Variants in IL2RB observed in about 807,000 individuals in gnomAD.
IL2RB encodes the protein interleukin-2 receptor subunit beta.
IL2RB carries 17 observed loss-of-function variants against 44.2 expected under a neutral mutation model. That is an observed-to-expected ratio of 0.38 (90% CI 0.26 to 0.58). The LOEUF (loss-of-function observed/expected upper bound fraction) is 0.58, where lower values mean the gene tolerates loss of function less well. Among genes scored for constraint, IL2RB ranks in the 20% least tolerant of loss-of-function variants. The pLI is 0.63. For missense variants in IL2RB, 624 were observed against 685.5 expected, an observed-to-expected ratio of 0.91 and a Z score of 1.00; for synonymous variants, 286 against 297.9, an observed-to-expected ratio of 0.96 and a Z score of 0.41.
Position 37,136,307 on chromosome 22 carries a change from C to T in IL2RB, c.624G>A (p.Val208=), listed in dbSNP as rs770932926. 1.9e-5 allele frequency: 31 copies of T among 1,613,090 alleles called. 1 individual carries two copies. In the South Asian group the frequency reaches 2.9e-4, roughly 15 times the overall value. ...ACTCGCCTTGCAGAGGCTTGACCCG[C>T]ACCTGAAACTCATACTGGGTGTCTG... ...LTPDTQYEFQ[V]RVKPLQGEFT... is the part of the protein sequence containing the mutation. Residue 208 remains valine, a synonymous_variant, in exon 7 of 10, where the codon GTG becomes GTA. Transcript: ENST00000216223.
At chr22:37,162,727 C>G (rs1354948974) in intron 1 of IL2RB, among the ~76,000 whole-genome samples, 1 of 152,124 alleles carries the variant, frequency 6.6e-6, no homozygotes, top group Admixed American at 6.5e-5. Flanking sequence ...CCCCACCCCA[C>G]CCCTCTACCC....
intron 1 of IL2RB, among the ~76,000 whole-genome samples, chr22:37,156,508 A>C (rs1922685184): frequency 6.6e-6 from 1 of 152,086 alleles, no homozygotes; most frequent in Non-Finnish European, 1.5e-5. Flanking sequence ...TCTCTTCAAT[A>C]TCCTTCTCCC....
chr22:37,170,191 G>A (rs1923233442), intron 1 of IL2RB, among the ~76,000 whole-genome samples: 1 of 152,154 alleles, frequency 6.6e-6, no homozygotes, highest in African/African-American at 2.4e-5. Flanking sequence ...AGAATAATAA[G>A]ACTCTTTCAG....
At position 37,127,682 on chromosome 22, in the gene IL2RB, G is replaced by C. The variant is rs542924493; in HGVS notation, c.*414C>G. On this transcript the variant is annotated 3_prime_UTR_variant, in exon 10 of 10. Coordinates refer to ENST00000216223, the MANE Select transcript of IL2RB (RefSeq NM_000878.5). Reference sequence around the variant, plus strand: ...AGCACGCTCAGGCTGCCCTGTGGACGGGGAGGGGAGGGAAGGAGGAGGCTG... The same window carrying C: ...AGCACGCTCAGGCTGCCCTGTGGACCGGGAGGGGAGGGAAGGAGGAGGCTG... The C allele has an allele frequency of 4.2e-3, 672 of 159,596 alleles. 6 individuals are homozygous for C. The highest frequency in any genetic ancestry group is 0.015 in the African/African-American group (619 of 41,824). 9.9% of individuals were successfully genotyped at this position (159,596 alleles called of 1,614,324 possible).
chr22:37,144,133 TGAG>T lies in IL2RB; in HGVS notation c.37_39del (p.Leu13del). ...GAGGTAGCCAGGGGCAGGAGGAGGATGAGGAGGGGCAGACGCCAGGACAGAGCA... is the reference window on the plus strand; with the variant it reads ...GAGGTAGCCAGGGGCAGGAGGAGGATGAGGGGCAGACGCCAGGACAGAGCA... On this transcript the variant is annotated inframe_deletion, in exon 2 of 10. Transcript: ENST00000216223. The T allele has an allele frequency of 1.9e-6, 3 of 1,551,972 alleles. No individual in the cohort carries two copies. The highest frequency in any genetic ancestry group is 2.6e-6 in the Non-Finnish European group (3 of 1,147,146).
In IL2RB at chr22:37,128,299, A is replaced by T. The variant is rs1409018398; in HGVS notation, c.1453T>A (p.Phe485Ile). The change falls in exon 10 of 10, where the codon TTT becomes ATT. Residue 485 changes from phenylalanine to isoleucine, a missense_variant. Phe to Ile is a conservative substitution (Grantham distance 21). Coordinates refer to ENST00000216223, the MANE Select transcript of IL2RB (RefSeq NM_000878.5). The surrounding 1 kb of genome is among the most constrained non-coding windows in gnomAD (Gnocchi z 4.5). ...PTPGVPDLVD[F>I]QPPPELVLRE... The stretch of plus-strand genomic sequence containing the variant: ...AGCACCAGCTCAGGGGGTGGCTGAA[A>T]ATCCACCAGGTCTGGGACTCCTGGG... 5 of 1,497,594 alleles carry T rather than the reference A, an allele frequency of 3.3e-6. No individual in the cohort carries two copies. The African/African-American group carries it at 7.0e-5, about 21-fold the overall frequency. The allele number at this position is 1,497,594 out of a possible 1,614,324, so 92.8% of individuals were successfully genotyped here.
At chr22:37,153,698 T>C (rs1922575927), upstream of IL2RB, among the ~76,000 whole-genome samples, 2 of 152,326 alleles carry the variant, frequency 1.3e-5, no homozygotes, top group Middle Eastern at 3.4e-3. Flanking sequence ...ACGCCGGTTG[T>C]CTCAGGGAGG....
chr22:37,148,750 C>T (rs561157516), intron 1 of IL2RB, among the ~76,000 whole-genome samples: 7 of 152,044 alleles, frequency 4.6e-5, no homozygotes, highest in South Asian at 2.1e-4. Flanking sequence ...GACTAAGAAA[C>T]GGGTCAACCT....
At chr22:37,146,463 G>A (rs952449227) in intron 1 of IL2RB, among the ~76,000 whole-genome samples, 2 of 152,160 alleles carry the variant, frequency 1.3e-5, no homozygotes, top group African/African-American at 4.8e-5. Flanking sequence ...GCCTGCACAA[G>A]CCAGTGGCTC....
At chr22:37,154,959 A>G (rs229480) in intron 1 of IL2RB, among the ~76,000 whole-genome samples, 2,154 of 152,286 alleles carry the variant, frequency 0.014, 55 homozygotes, top group African/African-American at 0.047. Flanking sequence ...CTTGAAGGAC[A>G]GGCCCTCACC....
chr22:37,144,622 G>A (rs536939846), intron 1 of IL2RB, among the ~76,000 whole-genome samples: 34 of 152,284 alleles, frequency 2.2e-4, no homozygotes, highest in African/African-American at 7.9e-4. Context: ...GTGGGTGCCT[G>A]TAGTCCCAGC....
At chr22:37,171,190 C>T (rs1021523741) in intron 1 of IL2RB, among the ~76,000 whole-genome samples, 1 of 152,156 alleles carries the variant, frequency 6.6e-6, no homozygotes, top group Non-Finnish European at 1.5e-5. Flanking sequence ...ACCATGCTGG[C>T]CAGGCTGGTC....
chr22:37,151,502 T>A (rs566529102), upstream of IL2RB, among the ~76,000 whole-genome samples: 1 of 152,316 alleles, frequency 6.6e-6, no homozygotes, highest in East Asian at 1.9e-4. Context: ...TTTTCTCCCA[T>A]TCTGTGGGTT....
At chr22:37,146,359 G>T (rs925920764) in intron 1 of IL2RB, among the ~76,000 whole-genome samples, 1 of 152,122 alleles carries the variant, frequency 6.6e-6, no homozygotes, top group Non-Finnish European at 1.5e-5. Context: ...GGCTTTCTGG[G>T]ACCGGAATGA....
chr22:37,151,856 A>C (rs1922501071), upstream of IL2RB, among the ~76,000 whole-genome samples: 1 of 152,204 alleles, frequency 6.6e-6, no homozygotes, highest in Admixed American at 6.5e-5. Context: ...AATTTTGTTG[A>C]AAATAAGTTC....
At chr22:37,148,403 C>T (rs1212928376) in intron 1 of IL2RB, among the ~76,000 whole-genome samples, 1 of 152,114 alleles carries the variant, frequency 6.6e-6, no homozygotes, top group African/African-American at 2.4e-5. Flanking sequence ...CCCAGGACCT[C>T]GAGTTTGAGC....
intron 5 of IL2RB, 127 bp from the exon 6 acceptor site, chr22:37,137,862 C>T: frequency 1.3e-6 from 1 of 777,784 alleles, no homozygotes; most frequent in Non-Finnish European, 2.1e-6. Flanking sequence ...GCCCCAGGAC[C>T]CGCTCCCTCA....
At position 37,174,369 on chromosome 22, in the gene IL2RB, G is replaced by A. The variant is rs137952339; in HGVS notation, c.-34+589C>T. Among the ~76,000 whole-genome samples, 850 of 152,292 alleles carry A rather than the reference G, an allele frequency of 5.6e-3. 7 individuals are homozygous for A. The highest frequency in any genetic ancestry group is 0.019 in the African/African-American group (805 of 41,566). On this transcript the variant is annotated intron_variant, in intron 1 of 5. Coordinates refer to the IL2RB transcript ENST00000429622. ...CACCATGGTAATGGTGGCTTCGGTT[G>A]TTTTTCAGGAATTGGGCCAGCTGAA...
chr22:37,143,300 G>A (rs969973047), intron 3 of IL2RB, among the ~76,000 whole-genome samples: 3 of 152,080 alleles, frequency 2.0e-5, no homozygotes, highest in African/African-American at 7.2e-5. Context: ...ACTGCAGCCT[G>A]GACTCCACCC....
Sources: allele counts gnomAD v4.1 joint callset (sites outside exome capture counted in the v4.1 genomes callset), GRCh38; gene constraint gnomAD v4.1.1; non-coding constraint Gnocchi (gnomAD v3.1); transcripts MANE v1.5; gene names NCBI Gene and HGNC (gene_info 2026-07-23, HGNC 2026-07-21).